Variants in GSE1 observed in about 807,000 individuals in gnomAD.
The protein encoded by GSE1 is genetic suppressor element 1.
Under a neutral mutation model 112.6 loss-of-function variants are expected in GSE1, and 32 were observed. That is an observed-to-expected ratio of 0.28 (90% confidence interval 0.21 to 0.38). The LOEUF is 0.38. Ranked by LOEUF, GSE1 falls within the 10% of genes least tolerant of loss-of-function variation. The pLI is 1.00. For synonymous variants in GSE1, 1,115 were observed against 735.6 expected, an observed-to-expected ratio of 1.52 and a Z score of -8.35; for missense variants, 2,348 against 1,699.2, an observed-to-expected ratio of 1.38 and a Z score of -6.71.
chr16:85,662,892 G>C, intron 9 of GSE1, 89 bp from the exon 10 acceptor site: 1 of 906,292 alleles, frequency 1.1e-6, no homozygotes, highest in African/African-American at 1.6e-5. Context: ...TGGCCTGATA[G>C]GTGCTCTGCA....
chr16:85,376,773 AG>A lies in GSE1; in HGVS notation c.2464+19135del, dbSNP rs375647697. 7.8e-4 allele frequency among the ~76,000 whole-genome samples: 119 copies of A among 152,196 alleles called. 3 individuals are homozygous for A. The South Asian group carries it at 0.024, about 31-fold the overall frequency. ...GAGGGGGCTTTGCTGGGCAGAGAGC[AG>A]GGGGCTGGGGCTGGGAGATGGAGGT... On this transcript the variant is annotated intron_variant, in intron 2 of 2. Transcript: ENST00000637419.
chr16:85,420,848 C>T (rs549814032), intron 2 of GSE1, among the ~76,000 whole-genome samples: 19 of 152,268 alleles, frequency 1.2e-4, no homozygotes, highest in African/African-American at 4.3e-4. Context: ...CCTGGAGCTG[C>T]AGTGCCGCGG....
intron 1 of GSE1, among the ~76,000 whole-genome samples, chr16:85,293,398 C>G (rs1243093460): frequency 1.3e-5 from 2 of 151,960 alleles, no homozygotes; most frequent in Non-Finnish European, 2.9e-5. Context: ...ATACAAAAAT[C>G]AGCTGGGCGT....
intron 1 of GSE1, among the ~76,000 whole-genome samples, chr16:85,318,082 G>C (rs1028058598): frequency 7.9e-5 from 12 of 152,220 alleles, no homozygotes; most frequent in Non-Finnish European, 1.6e-4. Flanking sequence ...GTCCCATGGT[G>C]GTGGGGCAGG....
chr16:85,169,895 G>C (rs1421252550), exon 1 of GSE1: 2 of 984,316 alleles, frequency 2.0e-6, no homozygotes, highest in African/African-American at 3.5e-5. Flanking sequence ...TGCGACGCGG[G>C]CGCAGGCGGC....
At chr16:85,346,498 G>A (rs2046742189) in intron 1 of GSE1, among the ~76,000 whole-genome samples, 1 of 151,268 alleles carries the variant, frequency 6.6e-6, no homozygotes. Flanking sequence ...TGGACAGGTA[G>A]ATAGATGGGT....
chr16:85,252,260 A>G (rs1306331855), intron 1 of GSE1, among the ~76,000 whole-genome samples: 1 of 151,982 alleles, frequency 6.6e-6, no homozygotes, highest in African/African-American at 2.4e-5. Context: ...CACTATCTCC[A>G]TGCGATCACC....
At chr16:85,194,426 T>G (rs573316020) in intron 1 of GSE1, among the ~76,000 whole-genome samples, 38 of 152,274 alleles carry the variant, frequency 2.5e-4, no homozygotes, top group South Asian at 6.2e-4. Context: ...ACAATGAGCT[T>G]CTTTTTCTAA....
At chr16:85,525,259 C>T (rs369189219) in intron 2 of GSE1, among the ~76,000 whole-genome samples, 7 of 152,036 alleles carry the variant, frequency 4.6e-5, no homozygotes, top group Non-Finnish European at 8.8e-5. Flanking sequence ...GTCCCCCCCC[C>T]ACTGATGGTG....
At chr16:85,640,461 TC>T (rs1163668748) in intron 2 of GSE1, among the ~76,000 whole-genome samples, 1 of 152,206 alleles carries the variant, frequency 6.6e-6, no homozygotes, top group Non-Finnish European at 1.5e-5. Flanking sequence ...TGTGCCGCCT[TC>T]CCCTGGTGGT....
chr16:85,324,856 G>A (rs1329233805), intron 1 of GSE1, among the ~76,000 whole-genome samples: 1 of 152,176 alleles, frequency 6.6e-6, no homozygotes, highest in Non-Finnish European at 1.5e-5. Context: ...TTTGGGTGAT[G>A]GAAGAGTTCT....
intron 2 of GSE1, among the ~76,000 whole-genome samples, chr16:85,365,337 A>G (rs937846280): frequency 2.0e-5 from 3 of 152,234 alleles, no homozygotes; most frequent in African/African-American, 7.2e-5. Flanking sequence ...CTATGCAGAC[A>G]GCACTTCAGA....
intron 2 of GSE1, among the ~76,000 whole-genome samples, chr16:85,493,059 G>A (rs935570622): frequency 5.9e-5 from 9 of 152,212 alleles, no homozygotes; most frequent in Non-Finnish European, 1.2e-4. Flanking sequence ...GGGGGACAGC[G>A]GAGGCTGGTG....
intron 1 of GSE1, among the ~76,000 whole-genome samples, chr16:85,276,330 G>A (rs1426310489): frequency 1.4e-5 from 1 of 71,642 alleles, no homozygotes; most frequent in East Asian, 4.0e-4. Flanking sequence ...TGAGGTAGGA[G>A]GACTTCAGGA....
In GSE1 at chr16:85,644,008, C is replaced by T. The variant is rs145154921; in HGVS notation, c.227-4544C>T. Among the ~76,000 whole-genome samples the T allele has an allele frequency of 6.6e-3, 1,011 of 152,150 alleles. 9 individuals carry two copies. Among genetic ancestry groups the T allele is most frequent in the African/African-American group, 0.023 (950 of 41,496 alleles). On this transcript the variant is annotated intron_variant, in intron 2 of 15. Coordinates refer to ENST00000253458, the MANE Select transcript of GSE1 (RefSeq NM_014615.5). ...AGATGGGAACACCCTGGGTTTGGGC[C>T]GGGTGCACAGGAGGGCTTTCCATGA...
chr16:85,459,308 C>T (rs1035602822), intron 2 of GSE1, among the ~76,000 whole-genome samples: 4 of 152,202 alleles, frequency 2.6e-5, no homozygotes, highest in Admixed American at 6.5e-5. Flanking sequence ...CATATGGCTC[C>T]TTTGTGCAAA....
intron 14 of GSE1, among the ~76,000 whole-genome samples, chr16:85,668,701 A>G (rs1323794255): frequency 1.3e-5 from 2 of 152,194 alleles, no homozygotes; most frequent in African/African-American, 4.8e-5. Context: ...TGTGGGCTGC[A>G]TCAGTGCTGA....
rs564459628 is a variant in GSE1 at position 85,400,365 on chromosome 16, G to T, written c.2464+42722G>T. 9.9e-5 allele frequency among the ~76,000 whole-genome samples: 15 copies of T among 151,924 alleles called. No homozygotes were observed. In the South Asian group the frequency reaches 2.9e-3, roughly 30 times the overall value. ...TGTCGTGTTTCTGTGTACTGTGTGT[G>T]CTTTCGTGTATGTCTGTATGTGTAT... is the stretch of plus-strand genomic sequence containing the variant. On this transcript the variant is annotated intron_variant, in intron 2 of 2. Transcript: ENST00000637419.
intron 1 of GSE1, among the ~76,000 whole-genome samples, chr16:85,628,639 C>T (rs193284216): frequency 6.6e-6 from 1 of 152,208 alleles, no homozygotes; most frequent in African/African-American, 2.4e-5. Flanking sequence ...GGCTGGACAG[C>T]CCCACGCTTT....
Sources: gnomAD v4.1 joint callset for allele counts (sites outside exome capture counted in the v4.1 genomes callset) on GRCh38, gnomAD v4.1.1 for gene constraint, MANE v1.5 for transcripts, NCBI Gene and HGNC (gene_info 2026-07-23, HGNC 2026-07-21) for gene names.